The following EYA4 variants were observed in gnomAD, a reference collection of about 807,000 sequenced individuals.
EYA4 encodes the protein EYA transcriptional coactivator and phosphatase 4.
EYA4 carries 31 observed loss-of-function variants against 87.9 expected under a neutral mutation model. That is an observed-to-expected ratio of 0.35 (90% CI 0.27 to 0.48). The LOEUF is 0.48. EYA4 is among the 20% of genes least tolerant of loss of function. EYA4 has a pLI of 0.99. For missense variants in EYA4, 678 were observed against 761.4 expected (o/e 0.89, Z 1.29); for synonymous variants, 263 against 270.6 (o/e 0.97, Z 0.28).
At chr6:133,519,105 AC>A (rs1443791153) in intron 17 of EYA4, among the ~76,000 whole-genome samples, 1 of 151,818 alleles carries the variant, frequency 6.6e-6, no homozygotes, top group Non-Finnish European at 1.5e-5. Context: ...GCAAGAGCAA[AC>A]ACATTCAAAA....
intron 2 of EYA4, among the ~76,000 whole-genome samples, chr6:133,324,635 T>C (rs991211376): frequency 3.3e-5 from 5 of 152,212 alleles, no homozygotes; most frequent in African/African-American, 9.6e-5. Context: ...AGAGGATCCT[T>C]GTAAAAGTGG....
chr6:133,415,979 T>C (rs1438510144), intron 3 of EYA4, among the ~76,000 whole-genome samples: 7 of 152,208 alleles, frequency 4.6e-5, no homozygotes, highest in African/African-American at 1.7e-4. Context: ...TGCTAATCCC[T>C]TAAGGATAAG....
At chr6:133,335,406 C>T (rs1481836805) in intron 2 of EYA4, among the ~76,000 whole-genome samples, 1 of 152,124 alleles carries the variant, frequency 6.6e-6, no homozygotes, top group East Asian at 1.9e-4. Context: ...TTAATTTGTT[C>T]AACGGATATT....
chr6:133,298,250 T>A (rs1363044244), intron 2 of EYA4, among the ~76,000 whole-genome samples: 1 of 152,228 alleles, frequency 6.6e-6, no homozygotes, highest in Non-Finnish European at 1.5e-5. Context: ...TCTTTGCTTT[T>A]TGGCAGAATA....
At chr6:133,292,732 T>G (rs1778589152) in intron 2 of EYA4, among the ~76,000 whole-genome samples, 1 of 152,242 alleles carries the variant, frequency 6.6e-6, no homozygotes. Context: ...TTAAACAATA[T>G]TTTTGTCTCA....
chr6:133,355,203 G>A (rs1583041832), intron 2 of EYA4, among the ~76,000 whole-genome samples: 1 of 151,974 alleles, frequency 6.6e-6, no homozygotes, highest in African/African-American at 2.4e-5. Context: ...CTTAAGCCTA[G>A]TACCCATTAG....
chr6:133,512,037 T>C (rs545945958), intron 14 of EYA4, among the ~76,000 whole-genome samples: 2 of 152,236 alleles, frequency 1.3e-5, no homozygotes, highest in East Asian at 3.9e-4. Flanking sequence ...TTTATTTTGC[T>C]TGGAATTTTG....
intron 3 of EYA4, among the ~76,000 whole-genome samples, chr6:133,430,170 T>G (rs989126032): frequency 6.6e-6 from 1 of 152,212 alleles, no homozygotes; most frequent in Non-Finnish European, 1.5e-5. Context: ...GACCTCCAGC[T>G]GGTACATACA....
rs180992870 is a variant in EYA4 at position 133,339,694 on chromosome 6, G to A, written c.34-42698G>A. On this transcript the variant is annotated intron_variant, in intron 2 of 19. Coordinates refer to ENST00000355286, the MANE Select transcript of EYA4 (RefSeq NM_004100.5). The stretch of plus-strand genomic sequence containing the variant: ...TCAGGGCAGAATGCTCAATAGAATT[G>A]TGATTTTTGAGGTGATAAGAAGAGA... Among the ~76,000 whole-genome samples, 493 of 152,268 alleles carry A rather than the reference G, an allele frequency of 3.2e-3. 3 individuals carry two copies. The highest frequency in any genetic ancestry group is 0.011 in the African/African-American group (462 of 41,572).
intron 11 of EYA4, among the ~76,000 whole-genome samples, chr6:133,476,716 A>G (rs1358866223): frequency 6.6e-6 from 1 of 152,096 alleles, no homozygotes; most frequent in East Asian, 1.9e-4. Flanking sequence ...TGAACATGGA[A>G]GTGCAGATAT....
In EYA4 at chr6:133,506,248, T is replaced by C. The variant is rs965157350; in HGVS notation, c.1281+53T>C. ...TGTATCCAACACCAGACCTCCTAGA[T>C]GGTTTCTGTATCTGTAGATAACCTC... On this transcript the variant is annotated intron_variant, in intron 14 of 19. Coordinates refer to ENST00000355286, the MANE Select transcript of EYA4 (RefSeq NM_004100.5). 1.6e-5 allele frequency: 16 copies of C among 985,958 alleles called. No individual in the cohort carries two copies. In the African/African-American group the frequency reaches 1.9e-4, roughly 12 times the overall value. 61.1% of individuals were successfully genotyped at this position (985,958 alleles called of 1,614,324 possible).
intron 2 of EYA4, among the ~76,000 whole-genome samples, chr6:133,328,772 A>C (rs1004715098): frequency 6.6e-6 from 1 of 152,158 alleles, no homozygotes; most frequent in African/African-American, 2.4e-5. Context: ...AATATTGATA[A>C]ATTTTTAAAT....
intron 5 of EYA4, chr6:133,453,179 A>G (rs1793609558): frequency 6.6e-6 from 1 of 152,106 alleles, no homozygotes; most frequent in East Asian, 1.9e-4. Flanking sequence ...AGTTAGTAGT[A>G]ATAAGACTAG....
At chr6:133,415,258 C>G (rs1789610862) in intron 3 of EYA4, among the ~76,000 whole-genome samples, 1 of 152,180 alleles carries the variant, frequency 6.6e-6, no homozygotes, top group African/African-American at 2.4e-5. Flanking sequence ...GTGCCTTGGT[C>G]CTGAGGTGAA....
intron 13 of EYA4, among the ~76,000 whole-genome samples, chr6:133,486,090 T>G (rs1796658822): frequency 6.6e-6 from 1 of 152,270 alleles, no homozygotes; most frequent in African/African-American, 2.4e-5. Context: ...ATGTTTTTAC[T>G]CAGAGCAATT....
rs149783997 is a variant in EYA4, at chr6:133,437,668, G to C, written c.84-8962G>C. Among the ~76,000 whole-genome samples the C allele has an allele frequency of 7.9e-3, 1,209 of 152,210 alleles. 22 individuals carry two copies. The highest frequency in any genetic ancestry group is 0.028 in the African/African-American group (1,151 of 41,518). ...CTTACAGTTCCGCATGGCTGGGGAG[G>C]CTTCAGGAAACTTATAATTATGGCA... On this transcript the variant is annotated intron_variant, in intron 3 of 19. Coordinates refer to ENST00000355286, the MANE Select transcript of EYA4 (RefSeq NM_004100.5).
At chr6:133,325,270 G>A (rs899605264) in intron 2 of EYA4, 1 of 152,166 alleles carries the variant, frequency 6.6e-6, no homozygotes, top group Non-Finnish European at 1.5e-5. Flanking sequence ...ATCAGATGAA[G>A]TGTCCATTGT....
chr6:133,432,285 A>AAC (rs772426615), intron 3 of EYA4, among the ~76,000 whole-genome samples: 1 of 152,166 alleles, frequency 6.6e-6, no homozygotes, highest in Admixed American at 6.5e-5. Context: ...AGTTGCACTA[A>AAC]ACACACGGCG....
chr6:133,331,755 G>T (rs192460876), intron 2 of EYA4, among the ~76,000 whole-genome samples: 1 of 152,314 alleles, frequency 6.6e-6, no homozygotes. Flanking sequence ...AATTGTTGAA[G>T]CAATTTTTGA....
Sources: allele counts gnomAD v4.1 joint callset (sites outside exome capture counted in the v4.1 genomes callset), GRCh38; gene constraint gnomAD v4.1.1; transcripts MANE v1.5; gene names NCBI Gene and HGNC (gene_info 2026-07-23, HGNC 2026-07-21).